FAT2: variants seen among roughly 807,000 people sequenced by gnomAD.
The protein encoded by FAT2 is protocadherin Fat 2.
A neutral mutation model predicts 295.3 loss-of-function variants in FAT2; 150 were observed. That is an observed-to-expected ratio of 0.51 (90% CI 0.44 to 0.58). FAT2 has a LOEUF of 0.58. FAT2 is among the 20% of genes least tolerant of loss of function. The pLI is 0.00. For missense variants in FAT2, 4,868 were observed against 5,442.7 expected, an observed-to-expected ratio of 0.89 and a Z score of 3.32; for synonymous variants, 2,026 against 2,150.3, an observed-to-expected ratio of 0.94 and a Z score of 1.60.
chr5:151,528,982 C>G (rs1039893553), intron 15 of FAT2, among the ~76,000 whole-genome samples, 196 bp downstream of exon 15: 2 of 152,146 alleles, frequency 1.3e-5, no homozygotes, highest in Non-Finnish European at 2.9e-5. Context: ...GAGACATTCT[C>G]TCAGGAGAGA....
chr5:151,563,580 C>G lies in FAT2; in HGVS notation c.3319G>C (p.Val1107Leu). Residue 1107 changes from valine to leucine, a missense_variant, in exon 3 of 24, where the codon GTA becomes CTA. Val to Leu is a conservative substitution (Grantham distance 32). Around this residue, in one of 5 missense-constraint regions of FAT2, gnomAD observed 3,297 missense variants for 3,669.4 expected, o/e 0.90. Transcript: ENST00000261800. ...ACAGAACCCCTGTCCACTGCTAATA[C>G]CGTCAACCAGTAGTAAGATGCAAAT... ...REFASYYWLT[V>L]LAVDRGSVPL... The G allele has an allele frequency of 6.2e-7, 1 of 1,614,172 alleles. No homozygotes were observed. The highest frequency in any genetic ancestry group is 8.5e-7 in the Non-Finnish European group (1 of 1,180,038).
chr5:151,515,536 C>T (rs1479165698), intron 20 of FAT2, among the ~76,000 whole-genome samples: 1 of 152,202 alleles, frequency 6.6e-6, no homozygotes, highest in Non-Finnish European at 1.5e-5. Flanking sequence ...ATCTCCCCTC[C>T]CCAAACCTTG....
intron 6 of FAT2, among the ~76,000 whole-genome samples, chr5:151,552,289 A>G (rs964804040): frequency 3.3e-5 from 5 of 152,076 alleles, no homozygotes; most frequent in Admixed American, 6.6e-5. Flanking sequence ...CCCAGCCCAT[A>G]TGTGTTTTTG....
chr5:151,542,668 G>T lies in FAT2; in HGVS notation c.8459C>A (p.Thr2820Asn). 6.2e-7 allele frequency: 1 copy of T among 1,614,244 alleles called. No homozygotes were observed. The highest frequency in any genetic ancestry group is 8.5e-7 in the Non-Finnish European group (1 of 1,180,044). The change falls in exon 10 of 24, where the codon ACT becomes AAT. Residue 2820 changes from threonine (T) to asparagine (N), a missense_variant. Coordinates refer to ENST00000261800, the MANE Select transcript of FAT2 (RefSeq NM_001447.3). ...TCTCCCAGTGTCCTTGTCAATGGCA[G>T]TCACTTGAATGACTGAGGTCCCCAC... The part of the protein sequence containing the change: ...MPVGTSVIQV[T>N]AIDKDTGRDG...
chr5:151,591,125 GC>G (rs1759387166), intron 1 of FAT2, among the ~76,000 whole-genome samples, 39 bp downstream of exon 1: 1 of 152,176 alleles, frequency 6.6e-6, no homozygotes, highest in Non-Finnish European at 1.5e-5. Context: ...TAACTTTGCT[GC>G]CCCCCTCCCG....
chr5:151,526,703 A>C (rs1754016243), intron 17 of FAT2, among the ~76,000 whole-genome samples: 1 of 152,146 alleles, frequency 6.6e-6, no homozygotes. Context: ...CCTAACCCAT[A>C]CCCATAATAT....
At chr5:151,587,716 A>G (rs1344438976) in intron 1 of FAT2, among the ~76,000 whole-genome samples, 1 of 152,176 alleles carries the variant, frequency 6.6e-6, no homozygotes. Context: ...TGGGGGCCTG[A>G]CACATTATAA....
rs756660766 is a variant in FAT2, at chr5:151,521,711, G to T, written c.10882C>A (p.Gln3628Lys). The T allele has an allele frequency of 6.2e-7, 1 of 1,613,910 alleles. No individual in the cohort carries two copies. Among genetic ancestry groups the T allele is most frequent in the Non-Finnish European group, 8.5e-7 (1 of 1,179,996 alleles). The change falls in exon 19 of 24, where the codon CAG becomes AAG. Residue 3628 changes from glutamine to lysine, a missense_variant. By Grantham distance (53) the Gln-to-Lys change is moderately conservative (BLOSUM62 1). Transcript: ENST00000261800. ...TAGAAGCCCATCCACATGGCCTGCTGCAGAGCCTCCTGCCCCACATGCCAC... is the reference window on the plus strand; with the variant it reads ...TAGAAGCCCATCCACATGGCCTGCTTCAGAGCCTCCTGCCCCACATGCCAC... ...YVWHVGQEAL[Q>K]QAMWMGFYQL... is the part of the protein sequence containing the mutation.
chr5:151,580,450 G>A (rs578241737), intron 1 of FAT2, among the ~76,000 whole-genome samples: 39 of 152,316 alleles, frequency 2.6e-4, no homozygotes, highest in African/African-American at 8.7e-4. Flanking sequence ...TCAGGCAGAA[G>A]GTCGCTAATG....
chr5:151,507,241 C>T lies in FAT2; in HGVS notation c.12430G>A (p.Val4144Met), dbSNP rs775185995. The change falls in exon 23 of 24, where the codon GTG becomes ATG. Residue 4144 changes from valine (V) to methionine (M), a missense_variant. Transcript: ENST00000261800. ...GCAGCTGGCGGGAGTCTGGGGGGCA[C>T]ACTGCAGACCACTGGCCGTTGCTTA... ...NSKQRPVVCSVPPRLPPAAVP... is the reference protein window; with the variant it reads ...NSKQRPVVCSMPPRLPPAAVP... The T allele has an allele frequency of 2.5e-6, 4 of 1,614,044 alleles. No homozygotes were observed. The highest frequency in any genetic ancestry group is 2.5e-6 in the Non-Finnish European group (3 of 1,179,928).
chr5:151,572,126 C>T (rs1305020628), intron 1 of FAT2, among the ~76,000 whole-genome samples: 2 of 152,188 alleles, frequency 1.3e-5, no homozygotes, highest in African/African-American at 4.8e-5. Context: ...CTATTTTCTT[C>T]ATGACATATA....
rs1342228733 is a variant in FAT2 at position 151,543,900 on chromosome 5, T to G, written c.7227A>C (p.Arg2409Ser). Residue 2409 changes from arginine (R) to serine (S), a missense_variant, in exon 10 of 24, where the codon AGA (arginine) becomes AGC (serine). Arg to Ser is a moderately radical substitution (Grantham distance 110). Transcript: ENST00000261800. ...LKVQAIDPDS[R>S]DTSRLEYLIL... ...TCAGGTACTCCAGGCGGGAGGTGTC[T>G]CTGCTGTCAGGGTCAATAGCCTGGA... 1.2e-6 allele frequency: 2 copies of G among 1,614,214 alleles called. No homozygotes were observed. The highest frequency in any genetic ancestry group is 1.7e-6 in the Non-Finnish European group (2 of 1,180,044).
chr5:151,578,771 A>G (rs1581469873), intron 1 of FAT2, among the ~76,000 whole-genome samples: 1 of 152,250 alleles, frequency 6.6e-6, no homozygotes, highest in Non-Finnish European at 1.5e-5. Flanking sequence ...TACACAAGAG[A>G]ATGTCATTCA....
intron 9 of FAT2, among the ~76,000 whole-genome samples, chr5:151,547,381 C>T (rs1461448395): frequency 6.6e-6 from 1 of 152,174 alleles, no homozygotes; most frequent in Non-Finnish European, 1.5e-5. Flanking sequence ...AGTGCTTTCT[C>T]CATGCCCAAT....
intron 14 of FAT2, among the ~76,000 whole-genome samples, chr5:151,530,276 T>C (rs1323078937): frequency 2.0e-5 from 3 of 148,596 alleles, no homozygotes; most frequent in Non-Finnish European, 4.4e-5. Flanking sequence ...GCCAGTTAGC[T>C]CTTATGTGCG....
intron 22 of FAT2, among the ~76,000 whole-genome samples, chr5:151,508,659 G>A (rs138448005): frequency 0.012 from 1,843 of 151,546 alleles, 38 homozygotes; most frequent in African/African-American, 0.042. Flanking sequence ...GCAGTGAGCC[G>A]AGATTGTGCC....
At chr5:151,573,652 CAAAAT>C (rs548003544) in intron 1 of FAT2, among the ~76,000 whole-genome samples, 338 of 152,168 alleles carry the variant, frequency 2.2e-3, no homozygotes, top group African/African-American at 7.7e-3. Context: ...GACTCCATCT[CAAAAT>C]AAAACAAAAC....
At chr5:151,507,128 G>A (rs898716084) in intron 23 of FAT2, 26 bp downstream of exon 23, 2 of 1,530,936 alleles carry the variant, frequency 1.3e-6, no homozygotes, top group Non-Finnish European at 8.8e-7. Context: ...CAATCCCAGA[G>A]GCTAAGCGTC....
At chr5:151,535,598 A>G (rs893225380) in intron 12 of FAT2, among the ~76,000 whole-genome samples, 10 of 152,206 alleles carry the variant, frequency 6.6e-5, no homozygotes, top group Non-Finnish European at 7.3e-5. Flanking sequence ...ATAATAAACC[A>G]GTAAACACAA....
Sources: gnomAD v4.1 joint callset for allele counts (sites outside exome capture counted in the v4.1 genomes callset) on GRCh38, gnomAD v4.1.1 for gene constraint, gnomAD v4.1.1 regional missense constraint, MANE v1.5 for transcripts, NCBI Gene and HGNC (gene_info 2026-07-23, HGNC 2026-07-21) for gene names.